The following ARPP19 variants were observed in gnomAD, a reference collection of about 807,000 sequenced individuals.
ARPP19 encodes cAMP-regulated phosphoprotein 19.
A neutral mutation model predicts 12.0 loss-of-function variants in ARPP19; 8 were observed. That is an observed-to-expected ratio of 0.67 (90% confidence interval 0.39 to 1.21). The LOEUF is 1.21. Ranked by LOEUF, ARPP19 falls within the 50% of genes most tolerant of loss-of-function variation. ARPP19 has a pLI of 0.01. For synonymous variants in ARPP19, 47 were observed against 50.4 expected, an observed-to-expected ratio of 0.93 and a Z score of 0.29; for missense variants, 102 against 136.3, an observed-to-expected ratio of 0.75 and a Z score of 1.25.
At chr15:52,568,529 G>A in intron 1 of ARPP19, 1 of 328,224 alleles carries the variant, frequency 3.0e-6, no homozygotes, top group Non-Finnish European at 5.5e-6. Context: ...TAACCAAATT[G>A]AGGCTTACAG....
chr15:52,559,482 A>G (rs2078012888), intron 1 of ARPP19, among the ~76,000 whole-genome samples: 1 of 152,230 alleles, frequency 6.6e-6, no homozygotes, highest in African/African-American at 2.4e-5. Context: ...CATCTGTTCA[A>G]ACGCTGGACA....
At chr15:52,564,567 A>C (rs2078064582) in intron 1 of ARPP19, among the ~76,000 whole-genome samples, 3 of 152,336 alleles carry the variant, frequency 2.0e-5, no homozygotes, top group African/African-American at 7.2e-5. Flanking sequence ...AATAATGCAG[A>C]TAAAGGTTCT....
intron 1 of ARPP19, among the ~76,000 whole-genome samples, chr15:52,564,567 A>G (rs2078064582): frequency 6.6e-6 from 1 of 152,218 alleles, no homozygotes; most frequent in Admixed American, 6.5e-5. Flanking sequence ...AATAATGCAG[A>G]TAAAGGTTCT....
chr15:52,551,916 T>TG lies in ARPP19; in HGVS notation c.*17dup. ...GAAATAATGAGATTTAGCAGATTCA[T>TG]GCAGTTCAGCCTCTTAATCAGCCAG... On this transcript the variant is annotated 3_prime_UTR_variant, in exon 3 of 3. Transcript: ENST00000249822. 1 of 1,583,554 alleles carries TG rather than the reference T, an allele frequency of 6.3e-7. No homozygotes were observed. Among genetic ancestry groups the TG allele is most frequent in the Non-Finnish European group, 8.6e-7 (1 of 1,159,066 alleles).
rs1164225590 is a variant in ARPP19 at position 52,548,323 on chromosome 15, CT to C, written c.*3610del. 2 of 152,096 alleles carry C rather than the reference CT, an allele frequency of 1.3e-5. No homozygotes were observed. Among genetic ancestry groups the C allele is most frequent in the African/African-American group, 4.8e-5 (2 of 41,364 alleles). 9.4% of individuals were successfully genotyped at this position (152,096 alleles called of 1,614,324 possible). A position where few individuals can be genotyped will look rare whatever the true frequency, so the allele number is the denominator to read the frequency against. ...CCAACATGGTGAAACCCCATCTCTA[CT>C]AAAAGTACAAAAATTGGCTGGGCAT... On this transcript the variant is annotated 3_prime_UTR_variant, in exon 3 of 3. Coordinates refer to ENST00000249822, the MANE Select transcript of ARPP19 (RefSeq NM_006628.6).
intron 1 of ARPP19, among the ~76,000 whole-genome samples, chr15:52,559,512 T>A (rs2078013174): frequency 6.6e-6 from 1 of 152,218 alleles, no homozygotes; most frequent in African/African-American, 2.4e-5. Flanking sequence ...CTACCTGCTC[T>A]ACTGAGAATT....
At chr15:52,552,220 A>T in intron 2 of ARPP19, 116 bp from the exon 3 acceptor site, 1 of 642,294 alleles carries the variant, frequency 1.6e-6, no homozygotes, top group Non-Finnish European at 2.8e-6. Context: ...AAACAGGAAT[A>T]TTAATTAGAT....
chr15:52,568,921 GA>G lies in ARPP19; in HGVS notation c.-30del. ...GCTCCCTCTGCAGACGAGACGCCGG[GA>G]AAAGATGCAATTAGCGGGTGGCCGA... On this transcript the variant is annotated 5_prime_UTR_variant, in exon 1 of 3. Coordinates refer to ENST00000249822, the MANE Select transcript of ARPP19 (RefSeq NM_006628.6). 4 of 1,203,750 alleles carry G rather than the reference GA, an allele frequency of 3.3e-6. No homozygotes were observed. The highest frequency in any genetic ancestry group is 2.1e-5 in the Admixed American group (1 of 47,074). The allele number at this position is 1,203,750 out of a possible 1,614,324, so 74.6% of individuals were successfully genotyped here.
intron 1 of ARPP19, among the ~76,000 whole-genome samples, chr15:52,564,914 G>A (rs1277178491): frequency 1.3e-5 from 2 of 152,144 alleles, no homozygotes; most frequent in African/African-American, 2.4e-5. Context: ...GAAAAGTTCT[G>A]AGGAAAATCC....
intron 2 of ARPP19, among the ~76,000 whole-genome samples, chr15:52,554,167 G>A (rs2077960675): frequency 6.6e-6 from 1 of 152,096 alleles, no homozygotes; most frequent in African/African-American, 2.4e-5. Flanking sequence ...TAAATTTTAG[G>A]CAGATTTTCC....
Position 52,547,097 on chromosome 15 carries a change from C to CAAAAAAAA in ARPP19, c.*4829_*4836dup. 7.4e-6 allele frequency: 1 copy of CAAAAAAAA among 135,770 alleles called. No individual in the cohort carries two copies. Among genetic ancestry groups the CAAAAAAAA allele is most frequent in the Non-Finnish European group, 1.5e-5 (1 of 64,582 alleles). The allele number at this position is 135,770 out of a possible 1,614,324, so 8.4% of individuals were successfully genotyped here. On this transcript the variant is annotated 3_prime_UTR_variant, in exon 3 of 3. Transcript: ENST00000249822. ...CTTAAGTACAAAGCCTTTACAAATGCAAAAAAAAAAAAAAAATCAAAGATT... is the reference window on the plus strand; with the variant it reads ...CTTAAGTACAAAGCCTTTACAAATGCAAAAAAAAAAAAAAAAAAAAAAAATCAAAGATT...
At position 52,547,097 on chromosome 15, in the gene ARPP19, C is replaced by CAAAAAAAAAAA. The variant is rs58435724; in HGVS notation, c.*4826_*4836dup. 1 of 135,774 alleles carries CAAAAAAAAAAA rather than the reference C, an allele frequency of 7.4e-6. No homozygotes were observed. 8.4% of individuals were successfully genotyped at this position (135,774 alleles called of 1,614,324 possible). A position where few individuals can be genotyped will look rare whatever the true frequency, so the allele number is the denominator to read the frequency against. On this transcript the variant is annotated 3_prime_UTR_variant, in exon 3 of 3. Coordinates refer to ENST00000249822, the MANE Select transcript of ARPP19 (RefSeq NM_006628.6). Reference sequence around the variant, plus strand: ...CTTAAGTACAAAGCCTTTACAAATGCAAAAAAAAAAAAAAAATCAAAGATT... The same window carrying CAAAAAAAAAAA: ...CTTAAGTACAAAGCCTTTACAAATGCAAAAAAAAAAAAAAAAAAAAAAAAAAATCAAAGATT...
intron 1 of ARPP19, among the ~76,000 whole-genome samples, chr15:52,567,850 G>C (rs1210919009): frequency 6.6e-6 from 1 of 152,056 alleles, no homozygotes; most frequent in Non-Finnish European, 1.5e-5. Context: ...ACATTAAGCA[G>C]AAACCCGCAC....
At chr15:52,569,069 C>G (rs2078117143), upstream of ARPP19, 1 of 573,118 alleles carries the variant, frequency 1.7e-6, no homozygotes, top group South Asian at 2.2e-5. Flanking sequence ...CCAAGGCCCT[C>G]GCACGCCGGA....
At chr15:52,556,973 A>G in intron 2 of ARPP19, 127 bp downstream of exon 2, 3 of 926,834 alleles carry the variant, frequency 3.2e-6, no homozygotes, top group South Asian at 4.3e-5. Flanking sequence ...CCCATTACAG[A>G]TACATATACA....
Position 52,551,832 on chromosome 15 carries a change from A to G in ARPP19, c.*102T>C, listed in dbSNP as rs1419479777. 3 of 860,754 alleles carry G rather than the reference A, an allele frequency of 3.5e-6. No individual in the cohort carries two copies. Among genetic ancestry groups the G allele is most frequent in the Non-Finnish European group, 1.9e-6 (1 of 533,946 alleles). The allele number at this position is 860,754 out of a possible 1,614,324, so 53.3% of individuals were successfully genotyped here. ...CACTACTGCTACCTGCAAAGCTGTC[A>G]GTCTCAAATGACTAGTGAATGAAAG... is the stretch of plus-strand genomic sequence containing the variant. On this transcript the variant is annotated 3_prime_UTR_variant, in exon 3 of 3. Transcript: ENST00000249822.
At chr15:52,564,415 C>T (rs2078063177) in intron 1 of ARPP19, among the ~76,000 whole-genome samples, 1 of 152,136 alleles carries the variant, frequency 6.6e-6, no homozygotes. Context: ...CTGTCTCAAA[C>T]ATAACAAAAA....
intron 1 of ARPP19, chr15:52,564,101 C>T (rs548047427): frequency 2.3e-5 from 21 of 916,964 alleles, no homozygotes; most frequent in Middle Eastern, 2.1e-4. Context: ...AAGTCTTGCA[C>T]AAACAAAAGA....
At chr15:52,559,218 G>C (rs2078010520) in intron 1 of ARPP19, among the ~76,000 whole-genome samples, 1 of 152,080 alleles carries the variant, frequency 6.6e-6, no homozygotes, top group Non-Finnish European at 1.5e-5. Flanking sequence ...TGTGCACTTA[G>C]CCAGAAATAG....
Sources: allele counts gnomAD v4.1 joint callset (sites outside exome capture counted in the v4.1 genomes callset), GRCh38; gene constraint gnomAD v4.1.1; transcripts MANE v1.5; gene names NCBI Gene and HGNC (gene_info 2026-07-23, HGNC 2026-07-21).